The following STARD13 variants were observed in gnomAD, a reference collection of about 807,000 sequenced individuals.
The protein encoded by STARD13 is StAR related lipid transfer domain containing 13, also known as stAR-related lipid transfer protein 13.
STARD13 carries 62 observed loss-of-function variants against 106.4 expected under a neutral mutation model. The observed-to-expected ratio is 0.58, with a 90% CI of 0.48 to 0.72. STARD13 has a LOEUF of 0.72. Ranked by LOEUF, STARD13 falls within the 30% of genes least tolerant of loss-of-function variation. The pLI, the probability that STARD13 is intolerant of heterozygous loss-of-function variation, is 0.00. For synonymous variants in STARD13, 565 were observed against 553.0 expected (o/e 1.02, Z -0.31); for missense variants, 1,387 against 1,424.0 (o/e 0.97, Z 0.42).
chr13:33,625,081 G>T, the STARD13 span, among the ~76,000 whole-genome samples: 1 of 152,202 alleles, frequency 6.6e-6, no homozygotes, highest in Non-Finnish European at 1.5e-5. Context: ...CCCTTCTGAG[G>T]GGCAGAGCAG....
At chr13:33,437,766 T>C in the STARD13 span, among the ~76,000 whole-genome samples, 1 of 152,234 alleles carries the variant, frequency 6.6e-6, no homozygotes. Context: ...TTCTCAGATA[T>C]ACTTCACCAA....
the STARD13 span, among the ~76,000 whole-genome samples, chr13:33,428,121 C>T: frequency 2.0e-5 from 3 of 152,112 alleles, no homozygotes; most frequent in Admixed American, 2.0e-4. Flanking sequence ...ACTGGATATA[C>T]ACATGCAGAA....
At chr13:33,201,020 T>C (rs2138092572) in intron 1 of STARD13, among the ~76,000 whole-genome samples, 1 of 151,196 alleles carries the variant, frequency 6.6e-6, no homozygotes, top group Middle Eastern at 3.4e-3. Context: ...AGTGAGATTC[T>C]ATCTCAAAAA....
At chr13:33,201,108 C>T (rs899924018) in intron 1 of STARD13, among the ~76,000 whole-genome samples, 1 of 150,728 alleles carries the variant, frequency 6.6e-6, no homozygotes, top group African/African-American at 2.4e-5. Flanking sequence ...TAGAAATATG[C>T]TTAAAGAAGC....
the STARD13 span, among the ~76,000 whole-genome samples, chr13:33,676,013 T>C: frequency 6.6e-6 from 1 of 152,224 alleles, no homozygotes; most frequent in Non-Finnish European, 1.5e-5. Flanking sequence ...CCTTCTATAT[T>C]GTTGAACTTG....
chr13:33,325,848 G>A (rs1305353268), intron 1 of STARD13, among the ~76,000 whole-genome samples: 4 of 152,212 alleles, frequency 2.6e-5, no homozygotes, highest in East Asian at 1.9e-4. Flanking sequence ...AGCCGGGCAT[G>A]GTGGCGGGCG....
chr13:33,174,843 T>C lies in STARD13; in HGVS notation c.170-7221A>G, dbSNP rs563394996. Among the ~76,000 whole-genome samples the C allele has an allele frequency of 2.6e-5, 4 of 152,122 alleles. No homozygotes were observed. In the South Asian group the frequency reaches 8.3e-4, roughly 31 times the overall value. ...AGATGAACATAGTCTCAGTAATCAT[T>C]TCTGCTCCGAATTCTGCTTCTCTGC... On this transcript the variant is annotated intron_variant, in intron 1 of 13. Transcript: ENST00000336934.
intron 1 of STARD13, among the ~76,000 whole-genome samples, chr13:33,303,798 A>G (rs1462844236): frequency 6.6e-6 from 1 of 152,144 alleles, no homozygotes; most frequent in African/African-American, 2.4e-5. Flanking sequence ...CTGTAGTTGA[A>G]CCATCATCCC....
intron 1 of STARD13, among the ~76,000 whole-genome samples, chr13:33,227,655 T>A (rs989892806): frequency 6.6e-5 from 10 of 152,108 alleles, no homozygotes; most frequent in Non-Finnish European, 1.3e-4. Flanking sequence ...TTTAGGGTAT[T>A]AGGACCACTT....
intron 1 of STARD13, among the ~76,000 whole-genome samples, chr13:33,231,720 C>T (rs189007539): frequency 6.7e-4 from 102 of 152,342 alleles, no homozygotes; most frequent in Non-Finnish European, 1.1e-3. Context: ...GGGGCACAAA[C>T]TGCAGTCTCT....
chr13:33,572,624 T>C, the STARD13 span, among the ~76,000 whole-genome samples: 1 of 152,200 alleles, frequency 6.6e-6, no homozygotes, highest in Non-Finnish European at 1.5e-5. Flanking sequence ...TTTTCAAATA[T>C]CTTTTATACT....
At chr13:33,397,501 A>G in the STARD13 span, among the ~76,000 whole-genome samples, 3 of 152,190 alleles carry the variant, frequency 2.0e-5, no homozygotes, top group African/African-American at 7.2e-5. Context: ...CAGGAGACTC[A>G]TATCTTCTGC....
chr13:33,628,799 C>A, the STARD13 span, among the ~76,000 whole-genome samples: 2 of 152,176 alleles, frequency 1.3e-5, no homozygotes. Flanking sequence ...ATTCAAATCC[C>A]AGATCAGTCT....
the STARD13 span, among the ~76,000 whole-genome samples, chr13:33,550,711 C>T: frequency 1.3e-5 from 2 of 152,352 alleles, no homozygotes; most frequent in East Asian, 3.9e-4. Flanking sequence ...TCATGTTCAG[C>T]ATACCATTAA....
chr13:33,640,887 G>A, the STARD13 span, among the ~76,000 whole-genome samples: 1 of 152,226 alleles, frequency 6.6e-6, no homozygotes, highest in African/African-American at 2.4e-5. Flanking sequence ...CCTCCCTGAA[G>A]TTCAAAGGTC....
chr13:33,569,479 T>C, the STARD13 span, among the ~76,000 whole-genome samples: 1 of 147,716 alleles, frequency 6.8e-6, no homozygotes, highest in Non-Finnish European at 1.5e-5. Flanking sequence ...AGGGTTTTTA[T>C]GTTCAATTGT....
chr13:33,663,792 G>A, the STARD13 span, among the ~76,000 whole-genome samples: 1 of 152,176 alleles, frequency 6.6e-6, no homozygotes, highest in African/African-American at 2.4e-5. Context: ...CTCAGATCGG[G>A]TTAGGACACT....
At chr13:33,208,410 C>T (rs1887535323) in intron 1 of STARD13, among the ~76,000 whole-genome samples, 2 of 152,136 alleles carry the variant, frequency 1.3e-5, no homozygotes, top group African/African-American at 4.8e-5. Flanking sequence ...CTTGGGGACT[C>T]AGGAACCTTC....
Position 33,129,840 on chromosome 13 carries a change from C to T in STARD13, c.837G>A (p.Gly279=), listed in dbSNP as rs371483465. 84 of 1,612,894 alleles carry T rather than the reference C, an allele frequency of 5.2e-5. No individual in the cohort carries two copies. The highest frequency in any genetic ancestry group is 6.0e-5 in the Non-Finnish European group (71 of 1,180,036). ...KGAHGRHKGS[G]RTGGLVISGP... is the part of the protein sequence containing the mutation. ...CACTGATCACCAGGCCACCTGTCCG[C>T]CCAGACCCCTTATGCCTCCCGTGGG... Residue 279 remains glycine (G), a synonymous_variant, in exon 5 of 14, where the codon GGG becomes GGA. Coordinates refer to ENST00000336934, the MANE Select transcript of STARD13 (RefSeq NM_178006.4).
Sources: gnomAD v4.1 joint callset for allele counts (sites outside exome capture counted in the v4.1 genomes callset) on GRCh38, gnomAD v4.1.1 for gene constraint, MANE v1.5 for transcripts, NCBI Gene and HGNC (gene_info 2026-07-23, HGNC 2026-07-21) for gene names.